The following TMEM63B variants were observed in gnomAD, a reference collection of about 807,000 sequenced individuals.
TMEM63B encodes transmembrane protein 63B, also known as mechanosensitive cation channel TMEM63B.
Under a neutral mutation model 102.6 loss-of-function variants are expected in TMEM63B, and 23 were observed. The observed-to-expected ratio is 0.22, with a 90% CI of 0.16 to 0.32. The LOEUF (loss-of-function observed/expected upper bound fraction) is 0.32. Ranked by LOEUF, TMEM63B falls within the 10% of genes least tolerant of loss-of-function variation. The pLI is 1.00. For missense variants in TMEM63B, 628 were observed against 1,095.9 expected (o/e 0.57, Z 6.03); for synonymous variants, 444 against 437.0 (o/e 1.02, Z -0.20).
At chr6:44,129,421 C>CA (rs1031515555) in intron 1 of TMEM63B, among the ~76,000 whole-genome samples, 1 of 151,610 alleles carries the variant, frequency 6.6e-6, no homozygotes, top group African/African-American at 2.4e-5. Context: ...GTTACTACCA[C>CA]CTCCTTACAA....
chr6:44,129,810 A>G (rs1309179050), intron 1 of TMEM63B, among the ~76,000 whole-genome samples: 1 of 152,204 alleles, frequency 6.6e-6, no homozygotes, highest in East Asian at 1.9e-4. Flanking sequence ...CCTAGAGCCC[A>G]TTATATGCCT....
At chr6:44,130,533 G>A (rs1162904602) in intron 1 of TMEM63B, among the ~76,000 whole-genome samples, 6 of 150,808 alleles carry the variant, frequency 4.0e-5, no homozygotes, top group Admixed American at 6.6e-5. Flanking sequence ...GGAACTCCCT[G>A]GGCTCAGGTG....
chr6:44,152,547 C>A lies in TMEM63B; in HGVS notation c.1837-46C>A. The A allele has an allele frequency of 1.4e-6, 2 of 1,424,964 alleles. No individual in the cohort carries two copies. Among genetic ancestry groups the A allele is most frequent in the South Asian group, 2.3e-5 (2 of 87,122 alleles). The allele number at this position is 1,424,964 out of a possible 1,614,324, so 88.3% of individuals were successfully genotyped here. ...CTCCCTCCTTCCCTGCCCCTCTGGT[C>A]AGTCCCTGCCTCCCTGAGCCATCCT... On this transcript the variant is annotated intron_variant, in intron 19 of 23. Coordinates refer to ENST00000323267, the MANE Select transcript of TMEM63B (RefSeq NM_018426.3). This position sits in a 1 kb window ranked among gnomAD's most constrained non-coding sequence, Gnocchi z 6.4.
At position 44,152,588 on chromosome 6, in the gene TMEM63B, C is replaced by T. The variant is rs777561138; in HGVS notation, c.1837-5C>T. 1.2e-5 allele frequency: 19 copies of T among 1,607,460 alleles called. No individual in the cohort carries two copies. Among genetic ancestry groups the T allele is most frequent in the Non-Finnish European group, 1.5e-5 (18 of 1,179,478 alleles). Reference sequence around the variant, plus strand: ...GAGCCATCCTCCTGCCCGTCTCCCCCCCAGCATCAGGCCTACGAGTTCCAG... The same window carrying T: ...GAGCCATCCTCCTGCCCGTCTCCCCTCCAGCATCAGGCCTACGAGTTCCAG... On this transcript the variant is annotated splice_polypyrimidine_tract_variant and splice_region_variant and intron_variant, in intron 19 of 23. Coordinates refer to ENST00000323267, the MANE Select transcript of TMEM63B (RefSeq NM_018426.3). The surrounding 1 kb of genome is among the most constrained non-coding windows in gnomAD (Gnocchi z 6.4).
upstream of TMEM63B, chr6:44,127,453 G>C (rs1022154850): frequency 1.9e-4 from 29 of 151,920 alleles, no homozygotes; most frequent in African/African-American, 6.3e-4. Flanking sequence ...CCCGGCGGAC[G>C]CGATCTGAGA....
At position 44,141,046 on chromosome 6, in the gene TMEM63B, A is replaced by G. The variant is rs1764154551; in HGVS notation, c.730A>G (p.Ile244Val). Residue 244 changes from isoleucine (I) to valine (V), a missense_variant, in exon 10 of 24, where the codon ATC becomes GTC. Coordinates refer to ENST00000323267, the MANE Select transcript of TMEM63B (RefSeq NM_018426.3). ...EDDLVKRTLF[I>V]NGISKYAESE... ...CACCCAGGTGAAGCGGACCCTCTTC[A>G]TCAATGGAATCTCCAAATATGCAGA... 2 of 1,613,862 alleles carry G rather than the reference A, an allele frequency of 1.2e-6. No individual in the cohort carries two copies. The highest frequency in any genetic ancestry group is 1.7e-6 in the Non-Finnish European group (2 of 1,179,982).
At position 44,152,585 on chromosome 6, in the gene TMEM63B, C is replaced by T. The variant is rs1173464301; in HGVS notation, c.1837-8C>T. 3.7e-6 allele frequency: 6 copies of T among 1,606,088 alleles called. No individual in the cohort carries two copies. The Admixed American group carries it at 5.0e-5, about 13-fold the overall frequency. On this transcript the variant is annotated splice_polypyrimidine_tract_variant and splice_region_variant and intron_variant, in intron 19 of 23. Coordinates refer to ENST00000323267, the MANE Select transcript of TMEM63B (RefSeq NM_018426.3). The surrounding 1 kb of genome is among the most constrained non-coding windows in gnomAD (Gnocchi z 6.4). Reference sequence around the variant, plus strand: ...CCTGAGCCATCCTCCTGCCCGTCTCCCCCCCAGCATCAGGCCTACGAGTTC... The same window carrying T: ...CCTGAGCCATCCTCCTGCCCGTCTCTCCCCCAGCATCAGGCCTACGAGTTC...
At chr6:44,127,152 T>TCCCCCCCCCGTCGGGACC (rs1777194800), upstream of TMEM63B, 1 of 108,806 alleles carries the variant, frequency 9.2e-6, no homozygotes, top group Non-Finnish European at 2.2e-5. Flanking sequence ...GTAAGGGGCC[T>TCCCCCCCCCGTCGGGACC]CCCCTCCCCG....
At chr6:44,139,672 C>T (rs766005257) in intron 7 of TMEM63B, 36 bp from the exon 8 acceptor site, 1 of 1,613,948 alleles carries the variant, frequency 6.2e-7, no homozygotes, top group African/African-American at 1.3e-5. Flanking sequence ...TGTGCCCTGA[C>T]CCCACCATCA....
In TMEM63B at chr6:44,134,340, A is replaced by T; in HGVS notation, c.-24-221A>T. 7.7e-6 allele frequency: 4 copies of T among 522,532 alleles called. No homozygotes were observed. The Admixed American group carries it at 1.0e-4, about 13-fold the overall frequency. The allele number at this position is 522,532 out of a possible 1,614,324, so 32.4% of individuals were successfully genotyped here. On this transcript the variant is annotated intron_variant, in intron 1 of 23. Transcript: ENST00000323267. ...CAGTCCAGGCCTGGCATCTAGACTG[A>T]GTTCCCCAGACCCAGGGTGGGGTCA...
At position 44,154,710 on chromosome 6, in the gene TMEM63B, C is replaced by T; in HGVS notation, c.2326C>T (p.Leu776=). ...PKSAKYIAQV[L]QDSEVDGDGD... ...CCTTCAGAAATACATCGCTCAGGTGCTGCAGGACTCAGAGGTGGACGGGGA... is the reference window on the plus strand; with the variant it reads ...CCTTCAGAAATACATCGCTCAGGTGTTGCAGGACTCAGAGGTGGACGGGGA... The change falls in exon 24 of 24, where the codon CTG becomes TTG. Residue 776 remains leucine (L), a synonymous_variant. Transcript: ENST00000323267. The T allele has an allele frequency of 6.4e-7, 1 of 1,565,114 alleles. No individual in the cohort carries two copies. The highest frequency in any genetic ancestry group is 8.6e-7 in the Non-Finnish European group (1 of 1,158,070).
chr6:44,141,619 G>T (rs10948126), intron 10 of TMEM63B, among the ~76,000 whole-genome samples: 50,916 of 151,922 alleles, frequency 0.34, 8,818 homozygotes, highest in Middle Eastern at 0.39. Context: ...GGCAAAGAGG[G>T]AACTTACCTG....
Position 44,148,708 on chromosome 6 carries a change from G to C in TMEM63B, c.1259+58G>C, listed in dbSNP as rs1765928954. 6.2e-7 allele frequency: 1 copy of C among 1,610,994 alleles called. No homozygotes were observed. The highest frequency in any genetic ancestry group is 2.2e-5 in the East Asian group (1 of 44,820). On this transcript the variant is annotated intron_variant, in intron 14 of 23. Coordinates refer to ENST00000323267, the MANE Select transcript of TMEM63B (RefSeq NM_018426.3). The surrounding 1 kb of genome is among the most constrained non-coding windows in gnomAD (Gnocchi z 5.1). ...GGGCCTGGGATGGGCTCAGTAGGTA[G>C]GCGGAGGAGAGGGAGTGTCTTGGTG...
chr6:44,129,883 G>A (rs1464413749), intron 1 of TMEM63B, among the ~76,000 whole-genome samples: 1 of 152,116 alleles, frequency 6.6e-6, no homozygotes, highest in Non-Finnish European at 1.5e-5. Context: ...CAACACAACT[G>A]GATTATTGTC....
Position 44,154,697 on chromosome 6 carries a change from C to A in TMEM63B, c.2313C>A (p.Tyr771Ter), listed in dbSNP as rs747813029. Residue 771 changes from tyrosine to a stop codon, truncating the protein, a stop_gained, in exon 24 of 24, where the codon TAC (tyrosine) becomes TAA (stop). Coordinates refer to ENST00000323267, the MANE Select transcript of TMEM63B (RefSeq NM_018426.3). LOFTEE classifies it high-confidence loss of function. ...CATTTCCTCTCCTCCTTCAGAAATA[C>A]ATCGCTCAGGTGCTGCAGGACTCAG... is the stretch of plus-strand genomic sequence containing the variant. ...TAAAVPKSAKYIAQVLQDSEV... is the reference protein window; with the variant it reads ...TAAAVPKSAK 1 of 1,546,236 alleles carries A rather than the reference C, an allele frequency of 6.5e-7. No individual in the cohort carries two copies.
chr6:44,152,025 C>T lies in TMEM63B; in HGVS notation c.1836+17C>T, dbSNP rs767813712. On this transcript the variant is annotated intron_variant, in intron 19 of 23. Coordinates refer to ENST00000323267, the MANE Select transcript of TMEM63B (RefSeq NM_018426.3). The surrounding 1 kb of genome is among the most constrained non-coding windows in gnomAD (Gnocchi z 6.4). ...GTGAAGCGGGTACGGCCGCCTGGGG[C>T]AGCAGCGGCCCGCACAGCGCCCCCT... is the stretch of plus-strand genomic sequence containing the variant. 2 of 1,584,380 alleles carry T rather than the reference C, an allele frequency of 1.3e-6. No homozygotes were observed. Among genetic ancestry groups the T allele is most frequent in the South Asian group, 1.1e-5 (1 of 88,660 alleles).
chr6:44,143,268 C>T (rs1764669371), intron 10 of TMEM63B, among the ~76,000 whole-genome samples: 1 of 152,232 alleles, frequency 6.6e-6, no homozygotes, highest in Non-Finnish European at 1.5e-5. Context: ...TGACAACCTT[C>T]TATGTGCCAG....
At position 44,150,016 on chromosome 6, in the gene TMEM63B, C is replaced by G. The variant is rs766293168; in HGVS notation, c.1520+51C>G. The G allele has an allele frequency of 6.5e-7, 1 of 1,548,196 alleles. No homozygotes were observed. The highest frequency in any genetic ancestry group is 8.8e-7 in the Non-Finnish European group (1 of 1,130,042). On this transcript the variant is annotated intron_variant, in intron 16 of 23. Coordinates refer to ENST00000323267, the MANE Select transcript of TMEM63B (RefSeq NM_018426.3). The surrounding 1 kb of genome is among the most constrained non-coding windows in gnomAD (Gnocchi z 4.7). ...CCTCGCTGTGGCCTGCCCTCAATGA[C>G]CCATCCTCTCTGGGCAGCACTTTGC...
In TMEM63B at chr6:44,146,839, T is replaced by C; in HGVS notation, c.783-8T>C. Reference sequence around the variant, plus strand: ...CCTGCACAAGATGATACATGAACTGTGTTTCAGGGAAGCCTACCCCAACTG... The same window carrying C: ...CCTGCACAAGATGATACATGAACTGCGTTTCAGGGAAGCCTACCCCAACTG... On this transcript the variant is annotated splice_region_variant and splice_polypyrimidine_tract_variant and intron_variant, in intron 10 of 23. Transcript: ENST00000323267. The C allele has an allele frequency of 2.5e-6, 4 of 1,613,754 alleles. No homozygotes were observed. The highest frequency in any genetic ancestry group is 2.5e-6 in the Non-Finnish European group (3 of 1,179,828).
Sources: allele counts gnomAD v4.1 joint callset (sites outside exome capture counted in the v4.1 genomes callset), GRCh38; gene constraint gnomAD v4.1.1; non-coding constraint Gnocchi (gnomAD v3.1); transcripts MANE v1.5; gene names NCBI Gene and HGNC (gene_info 2026-07-23, HGNC 2026-07-21).